The following SCN11A variants were observed in gnomAD, a reference collection of about 807,000 sequenced individuals.
SCN11A encodes sodium voltage-gated channel alpha subunit 11, also known as sodium channel protein type 11 subunit alpha.
A neutral mutation model predicts 162.2 loss-of-function variants in SCN11A; 122 were observed. That is an observed-to-expected ratio of 0.75 (90% confidence interval 0.65 to 0.87). The LOEUF (loss-of-function observed/expected upper bound fraction) is 0.87, where lower values mean the gene tolerates loss of function less well. Ranked by LOEUF, SCN11A falls within the 40% of genes least tolerant of loss-of-function variation. The probability of loss-of-function intolerance (pLI) is 0.00; values close to 1 mark genes in which losing one functional copy is unlikely to be tolerated. For synonymous variants in SCN11A, 758 were observed against 751.5 expected (o/e 1.01, Z -0.14); for missense variants, 2,015 against 2,181.6 (o/e 0.92, Z 1.52).
intron 23 of SCN11A, among the ~76,000 whole-genome samples, chr3:38,874,775 A>G (rs2065182444): frequency 6.6e-6 from 1 of 151,998 alleles, no homozygotes; most frequent in East Asian, 1.9e-4. Flanking sequence ...GGAAATTTGT[A>G]TATGTTGTGA....
intron 2 of SCN11A, among the ~76,000 whole-genome samples, chr3:38,993,652 C>G (rs1417322650): frequency 6.6e-6 from 1 of 152,196 alleles, no homozygotes; most frequent in Non-Finnish European, 1.5e-5. Context: ...TCTACACATT[C>G]AAAGAAAGAA....
intron 27 of SCN11A, 37 bp downstream of exon 27, chr3:38,867,284 G>T: frequency 6.3e-7 from 1 of 1,591,046 alleles, no homozygotes; most frequent in Non-Finnish European, 8.6e-7. Context: ...GGAGGACAGA[G>T]ATAAAATTAC....
intron 19 of SCN11A, among the ~76,000 whole-genome samples, chr3:38,891,753 C>G (rs2065503685): frequency 6.6e-6 from 1 of 152,176 alleles, no homozygotes. Context: ...CCCACTTCCA[C>G]AGTAACTAAA....
At chr3:38,889,229 C>T (rs2065453203) in intron 19 of SCN11A, among the ~76,000 whole-genome samples, 1 of 151,570 alleles carries the variant, frequency 6.6e-6, no homozygotes, top group South Asian at 2.1e-4. Flanking sequence ...AGTTCAAGAC[C>T]AGGCTGGCCA....
At chr3:38,852,523 ACTTCAGAACGCAGTGTGACTC>A (rs1246821732) in intron 28 of SCN11A, among the ~76,000 whole-genome samples, 1 of 152,206 alleles carries the variant, frequency 6.6e-6, no homozygotes, top group Non-Finnish European at 1.5e-5. Context: ...ATTCTATGTC[ACTTCAGAACGCAGTGTGACTC>A]CTATACCTCA....
At chr3:39,015,104 G>A (rs968959535) in intron 2 of SCN11A, among the ~76,000 whole-genome samples, 1 of 151,496 alleles carries the variant, frequency 6.6e-6, no homozygotes, top group Non-Finnish European at 1.5e-5. Context: ...ATATTAAGAG[G>A]TGGAGCCTTT....
chr3:39,021,238 G>C (rs1242500456), intron 2 of SCN11A, among the ~76,000 whole-genome samples: 2 of 152,084 alleles, frequency 1.3e-5, no homozygotes, highest in Non-Finnish European at 2.9e-5. Context: ...CCTAGTTAGA[G>C]GTTAGTTGGC....
intron 7 of SCN11A, among the ~76,000 whole-genome samples, chr3:38,937,249 G>C (rs1377740619): frequency 1.3e-5 from 2 of 151,644 alleles, no homozygotes; most frequent in Non-Finnish European, 2.9e-5. Flanking sequence ...TTAAACGTTA[G>C]ACCTAAAACC....
intron 7 of SCN11A, among the ~76,000 whole-genome samples, chr3:38,929,172 C>CAT (rs1553641818): frequency 0.12 from 9,865 of 79,786 alleles, 477 homozygotes; most frequent in South Asian, 0.2. Context: ...CACACACACA[C>CAT]ATGTTTGGGA....
chr3:38,865,867 A>C (rs1559494575), intron 27 of SCN11A, among the ~76,000 whole-genome samples: 1 of 152,162 alleles, frequency 6.6e-6, no homozygotes, highest in East Asian at 1.9e-4. Flanking sequence ...ACAATGAGAT[A>C]ATACTTTCCC....
intron 7 of SCN11A, among the ~76,000 whole-genome samples, chr3:38,942,046 C>T (rs576813038): frequency 6.6e-6 from 1 of 152,092 alleles, no homozygotes; most frequent in East Asian, 1.9e-4. Flanking sequence ...CTTAAGAAAG[C>T]TGAAGTAGCT....
chr3:39,014,319 G>C (rs920043962), intron 2 of SCN11A, among the ~76,000 whole-genome samples: 1 of 152,132 alleles, frequency 6.6e-6, no homozygotes, highest in Admixed American at 6.5e-5. Context: ...TTCTGCTCTT[G>C]GGAATTAGGA....
At chr3:38,968,704 A>G (rs144307522) in intron 2 of SCN11A, among the ~76,000 whole-genome samples, 584 of 152,188 alleles carry the variant, frequency 3.8e-3, no homozygotes, top group Non-Finnish European at 6.1e-3. Context: ...ACACACATAC[A>G]CACGTCAGAA....
intron 1 of SCN11A, among the ~76,000 whole-genome samples, chr3:39,039,969 C>A (rs1248284954): frequency 2.0e-5 from 3 of 152,218 alleles, no homozygotes; most frequent in Non-Finnish European, 4.4e-5. Context: ...GTCTACCTAG[C>A]ACACACCACC....
intron 7 of SCN11A, among the ~76,000 whole-genome samples, chr3:38,935,554 G>A (rs1255884805): frequency 5.3e-5 from 8 of 152,134 alleles, no homozygotes; most frequent in East Asian, 3.8e-4. Context: ...TATCACCACC[G>A]ATCCCACAGA....
At chr3:38,869,432 G>T (rs2065090619) in intron 26 of SCN11A, among the ~76,000 whole-genome samples, 1 of 151,952 alleles carries the variant, frequency 6.6e-6, no homozygotes, top group Non-Finnish European at 1.5e-5. Flanking sequence ...AAATTACATT[G>T]TATATATAAA....
At chr3:38,919,542 C>A (rs2125546809) in intron 11 of SCN11A, among the ~76,000 whole-genome samples, 1 of 152,310 alleles carries the variant, frequency 6.6e-6, no homozygotes, top group African/African-American at 2.4e-5. Context: ...TAGTTGTCAA[C>A]AGGTCAACAA....
intron 11 of SCN11A, among the ~76,000 whole-genome samples, chr3:38,919,393 C>T (rs530014465): frequency 1.3e-5 from 2 of 152,320 alleles, no homozygotes; most frequent in Admixed American, 1.3e-4. Flanking sequence ...AATAAATCTT[C>T]ACTGAATTGA....
intron 2 of SCN11A, among the ~76,000 whole-genome samples, chr3:38,985,385 C>T (rs1271409967): frequency 6.6e-6 from 1 of 150,682 alleles, no homozygotes. Context: ...CCATCTCGGC[C>T]TCCCAAAGTG....
Sources: allele counts gnomAD v4.1 joint callset (sites outside exome capture counted in the v4.1 genomes callset), GRCh38; gene constraint gnomAD v4.1.1; transcripts MANE v1.5; gene names NCBI Gene and HGNC (gene_info 2026-07-23, HGNC 2026-07-21).